Variants in ADGRL3 observed in about 807,000 individuals in gnomAD.
ADGRL3 encodes the protein calcium-independent alpha-latrotoxin receptor 3.
Under a neutral mutation model 153.5 loss-of-function variants are expected in ADGRL3, and 62 were observed. That is an observed-to-expected ratio of 0.40 (90% CI 0.33 to 0.50). The LOEUF is 0.50. Among genes scored for constraint, ADGRL3 ranks in the 20% least tolerant of loss-of-function variants. The pLI, the probability that ADGRL3 is intolerant of heterozygous loss-of-function variation, is 0.47. For synonymous variants in ADGRL3, 710 were observed against 672.5 expected, an observed-to-expected ratio of 1.06 and a Z score of -0.86; for missense variants, 1,641 against 1,859.4, an observed-to-expected ratio of 0.88 and a Z score of 2.16.
At chr4:61,362,784 C>G (rs1335515639) in intron 1 of ADGRL3, among the ~76,000 whole-genome samples, 1 of 152,004 alleles carries the variant, frequency 6.6e-6, no homozygotes, top group Non-Finnish European at 1.5e-5. Flanking sequence ...TCATGCAGTT[C>G]AAACCCATGT....
chr4:62,026,610 C>T (rs184019559), intron 21 of ADGRL3, among the ~76,000 whole-genome samples: 2 of 151,880 alleles, frequency 1.3e-5, no homozygotes, highest in African/African-American at 4.8e-5. Flanking sequence ...TTTTTAAAAA[C>T]GTTTTTATAG....
intron 17 of ADGRL3, among the ~76,000 whole-genome samples, chr4:61,962,471 T>C (rs1421273486): frequency 6.6e-6 from 1 of 152,174 alleles, no homozygotes; most frequent in Non-Finnish European, 1.5e-5. Context: ...TCATTTGCCT[T>C]GTTGCTAATC....
intron 6 of ADGRL3, among the ~76,000 whole-genome samples, chr4:61,700,151 T>G (rs1324466353): frequency 6.6e-6 from 1 of 152,200 alleles, no homozygotes; most frequent in African/African-American, 2.4e-5. Flanking sequence ...AAATATTGTA[T>G]TATTTCCTAA....
intron 1 of ADGRL3, among the ~76,000 whole-genome samples, chr4:61,245,964 G>C (rs1409382179): frequency 6.6e-6 from 1 of 151,926 alleles, no homozygotes; most frequent in Non-Finnish European, 1.5e-5. Flanking sequence ...TGTGATATCT[G>C]TGAGTCCCCC....
chr4:61,467,217 G>A (rs967680997), intron 2 of ADGRL3, among the ~76,000 whole-genome samples: 5 of 152,008 alleles, frequency 3.3e-5, no homozygotes, highest in African/African-American at 9.7e-5. Flanking sequence ...GTTAAGGCAT[G>A]CATTTTATTT....
At chr4:61,461,337 G>A (rs1055339408) in intron 2 of ADGRL3, among the ~76,000 whole-genome samples, 3 of 152,136 alleles carry the variant, frequency 2.0e-5, no homozygotes, top group East Asian at 3.9e-4. Context: ...CAGCTTTATA[G>A]TATATTGTAT....
At chr4:61,693,497 G>C (rs2095578014) in intron 6 of ADGRL3, among the ~76,000 whole-genome samples, 4 of 151,912 alleles carry the variant, frequency 2.6e-5, no homozygotes, top group Non-Finnish European at 5.9e-5. Context: ...GTAGAATAAA[G>C]ATTATGTTAA....
chr4:62,066,326 T>G (rs1367047237), intron 25 of ADGRL3, among the ~76,000 whole-genome samples: 1 of 152,116 alleles, frequency 6.6e-6, no homozygotes, highest in Non-Finnish European at 1.5e-5. Context: ...CTGGTTCAGT[T>G]GCACCAATGC....
chr4:61,986,274 T>G (rs907305692), intron 19 of ADGRL3, among the ~76,000 whole-genome samples: 8 of 152,212 alleles, frequency 5.3e-5, no homozygotes, highest in Admixed American at 2.6e-4. Flanking sequence ...AGTAGCTCCA[T>G]TTTGCTCTCT....
chr4:61,866,831 G>A (rs561905311), intron 9 of ADGRL3, among the ~76,000 whole-genome samples: 1 of 152,222 alleles, frequency 6.6e-6, no homozygotes, highest in Admixed American at 6.5e-5. Context: ...ATTAAAGGTA[G>A]TGTCACATCA....
At position 61,511,218 on chromosome 4, in the gene ADGRL3, G is replaced by A. The variant is rs529385768; in HGVS notation, c.56-6097G>A. On this transcript the variant is annotated intron_variant, in intron 3 of 26. Transcript: ENST00000683033. ...ACTAAAGATACAAAAAAATTAGCCG[G>A]ACATGGTGGCGGGTGCCACCTCATC... Among the ~76,000 whole-genome samples the A allele has an allele frequency of 2.0e-4, 30 of 152,156 alleles. 1 individual carries two copies. The highest frequency in any genetic ancestry group is 7.2e-4 in the African/African-American group (30 of 41,508).
At chr4:61,800,325 A>G (rs908827095) in intron 8 of ADGRL3, among the ~76,000 whole-genome samples, 1 of 152,200 alleles carries the variant, frequency 6.6e-6, no homozygotes, top group Non-Finnish European at 1.5e-5. Flanking sequence ...AAATACAGTT[A>G]AGGCAGAACC....
intron 17 of ADGRL3, among the ~76,000 whole-genome samples, chr4:61,962,584 A>AT (rs1233607037): frequency 4.6e-5 from 7 of 152,054 alleles, no homozygotes; most frequent in Non-Finnish European, 8.8e-5. Context: ...AACCTTTCTT[A>AT]TTTTTTTCCC....
intron 5 of ADGRL3, among the ~76,000 whole-genome samples, chr4:61,639,113 G>A (rs1384806616): frequency 6.6e-6 from 1 of 152,122 alleles, no homozygotes; most frequent in South Asian, 2.1e-4. Flanking sequence ...TTTCCTATGT[G>A]AGTATAATAG....
At chr4:62,008,659 A>G (rs1172941060) in intron 21 of ADGRL3, among the ~76,000 whole-genome samples, 2 of 151,370 alleles carry the variant, frequency 1.3e-5, no homozygotes, top group Non-Finnish European at 2.9e-5. Context: ...AATATATAAT[A>G]ATATATTTAC....
intron 8 of ADGRL3, among the ~76,000 whole-genome samples, chr4:61,739,476 C>A (rs190233586): frequency 6.6e-6 from 1 of 152,176 alleles, no homozygotes. Context: ...CAGGTGGGAG[C>A]CACTGAACCC....
chr4:61,921,982 A>G (rs1407289978), intron 13 of ADGRL3, among the ~76,000 whole-genome samples: 1 of 152,202 alleles, frequency 6.6e-6, no homozygotes, highest in Non-Finnish European at 1.5e-5. Context: ...AATCGGTTGA[A>G]TAAACTACTA....
rs116077235 is a variant in ADGRL3 at position 61,969,478 on chromosome 4, G to T, written c.2806-10085G>T. ...TCTCCCTAATCTAGATCCATGGATCGTTCTATGTATTTTTAAAGTAACACA... is the reference window on the plus strand; with the variant it reads ...TCTCCCTAATCTAGATCCATGGATCTTTCTATGTATTTTTAAAGTAACACA... On this transcript the variant is annotated intron_variant, in intron 17 of 26. Transcript: ENST00000683033. Among the ~76,000 whole-genome samples, 1,460 of 151,446 alleles carry T rather than the reference G, an allele frequency of 9.6e-3. 32 individuals carry two copies. The highest frequency in any genetic ancestry group is 0.033 in the African/African-American group (1,367 of 41,298).
At chr4:61,736,510 T>A (rs919853171) in intron 8 of ADGRL3, among the ~76,000 whole-genome samples, 9 of 152,000 alleles carry the variant, frequency 5.9e-5, no homozygotes, top group Non-Finnish European at 1.0e-4. Context: ...ACAAAAAAAT[T>A]AGTCTGGTGT....
Sources: gnomAD v4.1 joint callset for allele counts (sites outside exome capture counted in the v4.1 genomes callset) on GRCh38, gnomAD v4.1.1 for gene constraint, MANE v1.5 for transcripts, NCBI Gene and HGNC (gene_info 2026-07-23, HGNC 2026-07-21) for gene names.